The following PCDHGA7 variants were observed in gnomAD, a reference collection of about 807,000 sequenced individuals.
The protein encoded by PCDHGA7 is protocadherin gamma subfamily A, 7.
Under a neutral mutation model 58.3 loss-of-function variants are expected in PCDHGA7, and 44 were observed. That is an observed-to-expected ratio of 0.75 (90% CI 0.59 to 0.97). The LOEUF (loss-of-function observed/expected upper bound fraction) is 0.97, where lower values mean the gene tolerates loss of function less well. Among genes scored for constraint, PCDHGA7 ranks in the 50% least tolerant of loss-of-function variants. The pLI is 0.00. For synonymous variants in PCDHGA7, 516 were observed against 504.2 expected (o/e 1.02, Z -0.31); for missense variants, 1,266 against 1,188.7 (o/e 1.06, Z -0.96).
At chr5:141,430,383 GA>G (rs139772145) in intron 1 of PCDHGA7, among the ~76,000 whole-genome samples, 3,229 of 138,382 alleles carry the variant, frequency 0.023, 41 homozygotes, top group African/African-American at 0.033. Flanking sequence ...AGCTCATTGG[GA>G]AAAAAAAAAA....
Position 141,489,384 on chromosome 5 carries a change from T to C in PCDHGA7, c.2425-5423T>C, listed in dbSNP as rs2099686499. The stretch of plus-strand genomic sequence containing the variant: ...AGCCGGGGACGCTGGTGGGGAATGT[T>C]GCTCAGGATCTGGGCTTAAAGATGA... On this transcript the variant is annotated intron_variant, in intron 1 of 3. Transcript: ENST00000518325. The surrounding 1 kb of genome is among the most constrained non-coding windows in gnomAD (Gnocchi z 4.5). 1 of 1,613,986 alleles carries C rather than the reference T, an allele frequency of 6.2e-7. No individual in the cohort carries two copies. The highest frequency in any genetic ancestry group is 8.5e-7 in the Non-Finnish European group (1 of 1,179,842).
intron 1 of PCDHGA7, among the ~76,000 whole-genome samples, chr5:141,437,807 G>T (rs910427301): frequency 6.7e-6 from 1 of 149,476 alleles, no homozygotes; most frequent in Non-Finnish European, 1.5e-5. Flanking sequence ...GCACTATCTT[G>T]GCTCACTGCA....
chr5:141,404,392 T>A, intron 1 of PCDHGA7: 1 of 1,613,938 alleles, frequency 6.2e-7, no homozygotes, highest in Non-Finnish European at 8.5e-7. Context: ...ATGACCCTGA[T>A]AGCAATGAGA....
chr5:141,408,108 A>T, intron 1 of PCDHGA7: 1 of 1,441,874 alleles, frequency 6.9e-7, no homozygotes, highest in Non-Finnish European at 9.1e-7. Flanking sequence ...GAGACCCGGG[A>T]CTCCTCCTGT....
rs773471969 is a variant in PCDHGA7, at chr5:141,422,101, A to G, written c.2424+36778A>G. 11 of 1,610,046 alleles carry G rather than the reference A, an allele frequency of 6.8e-6. No individual in the cohort carries two copies. The highest frequency in any genetic ancestry group is 4.5e-5 in the East Asian group (2 of 44,870). ...GAACATGGAAAGCAAGGCTTCTGAA[A>G]TATTCCAATTGGATTCACAAACTGG... On this transcript the variant is annotated intron_variant, in intron 1 of 3. Coordinates refer to ENST00000518325, the MANE Select transcript of PCDHGA7 (RefSeq NM_018920.4).
chr5:141,432,061 G>T lies in PCDHGA7; in HGVS notation c.2424+46738G>T. On this transcript the variant is annotated intron_variant, in intron 1 of 3. Coordinates refer to ENST00000518325, the MANE Select transcript of PCDHGA7 (RefSeq NM_018920.4). The surrounding 1 kb of genome is among the most constrained non-coding windows in gnomAD (Gnocchi z 6.0). ...ACCGGGGAACCCCGCCCCTATCCAC[G>T]GAAACTCATATCTCGCTGAACGTGG... 1.9e-6 allele frequency: 3 copies of T among 1,614,130 alleles called. No homozygotes were observed. The highest frequency in any genetic ancestry group is 2.5e-6 in the Non-Finnish European group (3 of 1,180,034).
chr5:141,473,362 C>G (rs2099320242), intron 1 of PCDHGA7, among the ~76,000 whole-genome samples: 1 of 152,166 alleles, frequency 6.6e-6, no homozygotes, highest in South Asian at 2.1e-4. Flanking sequence ...AAGTGGCCAC[C>G]AAAATAGCAT....
rs758599120 is a variant in PCDHGA7 at position 141,414,165 on chromosome 5, A to G, written c.2424+28842A>G. On this transcript the variant is annotated intron_variant, in intron 1 of 3. Transcript: ENST00000518325. The stretch of plus-strand genomic sequence containing the variant: ...AAATACAAGCAGAAGATGGAGGAGC[A>G]TATCTTGCAACTGCAAAAGTGTTGA... 8 of 1,604,890 alleles carry G rather than the reference A, an allele frequency of 5.0e-6. No homozygotes were observed. The highest frequency in any genetic ancestry group is 2.2e-5 in the South Asian group (2 of 89,922).
intron 1 of PCDHGA7, among the ~76,000 whole-genome samples, chr5:141,386,699 G>A (rs2150319335): frequency 6.6e-6 from 1 of 152,226 alleles, no homozygotes; most frequent in Non-Finnish European, 1.5e-5. Context: ...TGGGGTAGAA[G>A]ACAATGTTGC....
chr5:141,433,671 A>G (rs1376085577), intron 1 of PCDHGA7, among the ~76,000 whole-genome samples: 12 of 152,058 alleles, frequency 7.9e-5, no homozygotes, highest in Admixed American at 7.2e-4. Flanking sequence ...CCCCGTCTAT[A>G]CTAAAAAAAT....
At chr5:141,421,009 T>C (rs948913987) in intron 1 of PCDHGA7, 1 of 515,496 alleles carries the variant, frequency 1.9e-6, no homozygotes, top group East Asian at 3.2e-5. Flanking sequence ...AATCAGGGAA[T>C]GGGAAGCTGC....
At chr5:141,418,874 G>A (rs2096295785) in intron 1 of PCDHGA7, 1 of 1,614,024 alleles carries the variant, frequency 6.2e-7, no homozygotes, top group East Asian at 2.2e-5. Context: ...AGAAGTTGTA[G>A]ACGAAAACGA....
intron 2 of PCDHGA7, among the ~76,000 whole-genome samples, chr5:141,504,341 CTTTGTGCTAGGT>C (rs963088433): frequency 3.9e-5 from 6 of 152,020 alleles, no homozygotes; most frequent in African/African-American, 1.4e-4. Flanking sequence ...AAGTGCTAGG[CTTTGTGCTAGGT>C]GCTTCAGTAG....
intron 2 of PCDHGA7, among the ~76,000 whole-genome samples, chr5:141,497,487 T>TCTCTCTCTC (rs1223198472): frequency 1.3e-5 from 2 of 151,562 alleles, no homozygotes; most frequent in Non-Finnish European, 2.9e-5. Flanking sequence ...GCGGAACCTC[T>TCTCTCTCTC]CTCTCTCTCC....
intron 1 of PCDHGA7, among the ~76,000 whole-genome samples, chr5:141,386,272 C>T (rs997122540): frequency 1.3e-5 from 2 of 152,150 alleles, no homozygotes; most frequent in African/African-American, 2.4e-5. Context: ...TAACTACTTC[C>T]ATATTCTTTT....
chr5:141,476,979 G>A lies in PCDHGA7; in HGVS notation c.2425-17828G>A, dbSNP rs772801536. On this transcript the variant is annotated intron_variant, in intron 1 of 3. Coordinates refer to ENST00000518325, the MANE Select transcript of PCDHGA7 (RefSeq NM_018920.4). The surrounding 1 kb of genome is among the most constrained non-coding windows in gnomAD (Gnocchi z 7.6). ...ATTTACTCCTTCGGCAGCCACAACC[G>A]CGCCGGCGTGCGGCAACTATTCGCC... The A allele has an allele frequency of 1.9e-6, 3 of 1,614,238 alleles. No homozygotes were observed. The South Asian group carries it at 3.3e-5, about 18-fold the overall frequency.
chr5:141,492,050 C>CT, intron 1 of PCDHGA7: 1 of 501,102 alleles, frequency 2.0e-6, no homozygotes, highest in Non-Finnish European at 3.5e-6. Flanking sequence ...AGATCCACCC[C>CT]TGCAGCCAGC....
chr5:141,443,999 T>C (rs2098413024), intron 1 of PCDHGA7, among the ~76,000 whole-genome samples: 1 of 152,136 alleles, frequency 6.6e-6, no homozygotes, highest in Non-Finnish European at 1.5e-5. Context: ...TTTTAAATGC[T>C]ACCTGGGTAT....
intron 1 of PCDHGA7, chr5:141,409,350 G>T: frequency 6.2e-7 from 1 of 1,613,922 alleles, no homozygotes; most frequent in Non-Finnish European, 8.5e-7. Context: ...GGAGAAGTCA[G>T]GTGTAATATA....
Sources: gnomAD v4.1 joint callset for allele counts (sites outside exome capture counted in the v4.1 genomes callset) on GRCh38, gnomAD v4.1.1 for gene constraint, Gnocchi (gnomAD v3.1) non-coding constraint, MANE v1.5 for transcripts, NCBI Gene and HGNC (gene_info 2026-07-23, HGNC 2026-07-21) for gene names.